Variants in PACRG observed in about 807,000 individuals in gnomAD.
The protein encoded by PACRG is parkin coregulated gene protein.
In PACRG, 29 loss-of-function variants were observed where a neutral mutation model predicts 29.7. The observed-to-expected ratio is 0.98, with a 90% CI of 0.73 to 1.33. PACRG has a LOEUF of 1.33. Ranked by LOEUF, PACRG falls within the 40% of genes most tolerant of loss-of-function variation. The pLI, the probability that PACRG is intolerant of heterozygous loss-of-function variation, is 0.00. For missense variants in PACRG, 279 were observed against 316.2 expected (o/e 0.88, Z 0.89); for synonymous variants, 116 against 118.7 (o/e 0.98, Z 0.15).
intron 2 of PACRG, among the ~76,000 whole-genome samples, chr6:162,832,637 T>C (rs1788880099): frequency 6.6e-6 from 1 of 152,162 alleles, no homozygotes; most frequent in African/African-American, 2.4e-5. Context: ...GTGGGAACAA[T>C]GTAGCTCACA....
At chr6:163,179,490 G>T (rs953332147) in intron 4 of PACRG, 2 of 260,770 alleles carry the variant, frequency 7.7e-6, no homozygotes, top group East Asian at 1.0e-4. Flanking sequence ...GCTTCAGCCC[G>T]GGAAGGAGTT....
At chr6:162,996,967 C>T (rs1804124861) in intron 2 of PACRG, among the ~76,000 whole-genome samples, 1 of 152,070 alleles carries the variant, frequency 6.6e-6, no homozygotes, top group Non-Finnish European at 1.5e-5. Flanking sequence ...ATTATGTTGT[C>T]TCTCTTAATA....
chr6:163,296,388 C>T (rs1784779871), intron 4 of PACRG, among the ~76,000 whole-genome samples: 2 of 152,106 alleles, frequency 1.3e-5, no homozygotes, highest in South Asian at 4.1e-4. Flanking sequence ...CTCCACCTCC[C>T]GAGTTCAAGC....
intron 3 of PACRG, among the ~76,000 whole-genome samples, chr6:163,085,658 G>A (rs535149689): frequency 1.1e-4 from 16 of 152,300 alleles, no homozygotes; most frequent in South Asian, 4.1e-4. Context: ...AGTCCCTAGC[G>A]CGCTGCTTCC....
At position 162,778,025 on chromosome 6, in the gene PACRG, C is replaced by T. The variant is rs534033307; in HGVS notation, c.157-36122C>T. Among the ~76,000 whole-genome samples, 119 of 152,230 alleles carry T rather than the reference C, an allele frequency of 7.8e-4. No homozygotes were observed. In the South Asian group the frequency reaches 0.024, roughly 31 times the overall value. On this transcript the variant is annotated intron_variant, in intron 1 of 4. Transcript: ENST00000366888. ...GCTAACCGACACTATTCAGGCCTCA[C>T]AGAGCACACAGTCTGAATGTGTAAA...
At chr6:163,029,962 G>C (rs926149539) in intron 2 of PACRG, among the ~76,000 whole-genome samples, 5 of 152,054 alleles carry the variant, frequency 3.3e-5, no homozygotes, top group African/African-American at 7.2e-5. Flanking sequence ...GAACAAGAGA[G>C]GGTGAAAGGA....
chr6:163,166,459 T>C (rs942139062), intron 4 of PACRG, among the ~76,000 whole-genome samples: 4 of 152,244 alleles, frequency 2.6e-5, no homozygotes, highest in African/African-American at 7.2e-5. Context: ...ATAAACCAAA[T>C]TGACTGCAAC....
intron 4 of PACRG, among the ~76,000 whole-genome samples, chr6:163,189,080 G>A (rs563885573): frequency 4.6e-5 from 7 of 152,306 alleles, no homozygotes; most frequent in African/African-American, 1.7e-4. Flanking sequence ...ATGCTGAGAT[G>A]GAATGATACT....
intron 2 of PACRG, among the ~76,000 whole-genome samples, chr6:163,016,759 T>G (rs571835891): frequency 1.4e-4 from 22 of 152,100 alleles, no homozygotes; most frequent in Non-Finnish European, 3.2e-4. Context: ...CTACAGTAGT[T>G]ATTCAGTTTG....
In PACRG at chr6:163,097,400, G is replaced by A. The variant is rs920153709; in HGVS notation, c.613+7992G>A. On this transcript the variant is annotated intron_variant, in intron 4 of 4. Coordinates refer to ENST00000366888, the MANE Select transcript of PACRG (RefSeq NM_001080379.2). ...ACCAGTGGCAAATGTGGTATATCAAGAATGGCTTGTGTAAGAGAATCCCAT... is the reference window on the plus strand; with the variant it reads ...ACCAGTGGCAAATGTGGTATATCAAAAATGGCTTGTGTAAGAGAATCCCAT... 1.4e-4 allele frequency among the ~76,000 whole-genome samples: 21 copies of A among 152,302 alleles called. 1 individual carries two copies. Among genetic ancestry groups the A allele is most frequent in the Non-Finnish European group, 2.6e-4 (18 of 68,022 alleles).
intron 4 of PACRG, among the ~76,000 whole-genome samples, chr6:163,255,569 G>A (rs1783073501): frequency 6.6e-6 from 1 of 152,056 alleles, no homozygotes; most frequent in African/African-American, 2.4e-5. Flanking sequence ...CCTGGGCCTT[G>A]GGGGCGACCC....
chr6:163,247,762 G>A (rs1166582456), intron 4 of PACRG, among the ~76,000 whole-genome samples: 4 of 151,906 alleles, frequency 2.6e-5, no homozygotes, highest in South Asian at 2.1e-4. Flanking sequence ...CTACTTCACC[G>A]TCTACCTGCC....
intron 4 of PACRG, among the ~76,000 whole-genome samples, chr6:163,115,934 A>G (rs1815968194): frequency 6.6e-6 from 1 of 152,184 alleles, no homozygotes; most frequent in Non-Finnish European, 1.5e-5. Flanking sequence ...ATCTATTCCA[A>G]TGCTGGAAGA....
intron 2 of PACRG, among the ~76,000 whole-genome samples, chr6:162,882,060 G>A (rs184593265): frequency 9.7e-5 from 14 of 144,098 alleles, no homozygotes; most frequent in African/African-American, 3.6e-4. Flanking sequence ...GAGACCCGGG[G>A]GCGCTCTCCA....
intron 2 of PACRG, among the ~76,000 whole-genome samples, chr6:163,012,181 C>T (rs985023388): frequency 2.0e-5 from 3 of 152,136 alleles, no homozygotes; most frequent in African/African-American, 7.2e-5. Context: ...CATATTGTAC[C>T]CCTTTTATTC....
At chr6:163,119,503 A>G (rs190994808) in intron 4 of PACRG, among the ~76,000 whole-genome samples, 8 of 152,342 alleles carry the variant, frequency 5.3e-5, no homozygotes, top group African/African-American at 1.9e-4. Context: ...GGGAGAGAAG[A>G]AGCCCCAGCA....
chr6:162,973,274 A>G (rs969286383), intron 2 of PACRG, among the ~76,000 whole-genome samples: 10 of 152,214 alleles, frequency 6.6e-5, no homozygotes, highest in Admixed American at 4.6e-4. Context: ...CCTTGTCTGT[A>G]AAATTAGTAA....
chr6:162,781,367 GA>G (rs778096839), intron 1 of PACRG, among the ~76,000 whole-genome samples: 45 of 151,832 alleles, frequency 3.0e-4, no homozygotes, highest in Non-Finnish European at 4.3e-4. Flanking sequence ...ATTCACTAAA[GA>G]AATGTTAAAA....
intron 1 of PACRG, among the ~76,000 whole-genome samples, chr6:162,730,145 G>A (rs1779649749): frequency 1.3e-5 from 2 of 148,502 alleles, no homozygotes; most frequent in Non-Finnish European, 3.0e-5. Context: ...CCTGCCCTTA[G>A]TACTCCGAGG....
Sources: gnomAD v4.1 joint callset for allele counts (sites outside exome capture counted in the v4.1 genomes callset) on GRCh38, gnomAD v4.1.1 for gene constraint, MANE v1.5 for transcripts, NCBI Gene and HGNC (gene_info 2026-07-23, HGNC 2026-07-21) for gene names.